LRRTM4: variants seen among roughly 807,000 people sequenced by gnomAD.
LRRTM4 encodes the protein leucine rich repeat transmembrane neuronal 4, also known as leucine-rich repeat transmembrane neuronal protein 4.
LRRTM4 carries 25 observed loss-of-function variants against 47.6 expected under a neutral mutation model. The observed-to-expected ratio is 0.53, with a 90% CI of 0.38 to 0.73. The LOEUF is 0.73. Among genes scored for constraint, LRRTM4 ranks in the 30% least tolerant of loss-of-function variants. The probability of loss-of-function intolerance (pLI) is 0.00; values close to 1 mark genes in which losing one functional copy is unlikely to be tolerated. For synonymous variants in LRRTM4, 311 were observed against 269.5 expected (o/e 1.15, Z -1.51); for missense variants, 638 against 713.4 (o/e 0.89, Z 1.20).
chr2:76,774,189 T>TA (rs1446009336), intron 3 of LRRTM4, among the ~76,000 whole-genome samples: 1 of 152,094 alleles, frequency 6.6e-6, no homozygotes, highest in African/African-American at 2.4e-5. Flanking sequence ...TTTTTTTTTT[T>TA]TTATTTTTAG....
intron 3 of LRRTM4, among the ~76,000 whole-genome samples, chr2:76,842,041 G>A (rs1317302004): frequency 6.6e-6 from 1 of 152,178 alleles, no homozygotes; most frequent in Non-Finnish European, 1.5e-5. Flanking sequence ...TTCTGGGTGT[G>A]TCTATGAGGC....
chr2:77,189,770 T>C (rs866444028), intron 3 of LRRTM4, among the ~76,000 whole-genome samples: 15 of 151,576 alleles, frequency 9.9e-5, no homozygotes, highest in Middle Eastern at 3.4e-3. Flanking sequence ...TATATACATA[T>C]ACACACACAC....
intron 3 of LRRTM4, among the ~76,000 whole-genome samples, chr2:76,933,949 T>C (rs532585210): frequency 1.8e-4 from 28 of 152,258 alleles, no homozygotes; most frequent in Middle Eastern, 3.4e-3. Context: ...TTCAAATATA[T>C]TGGTAATAGT....
intron 3 of LRRTM4, among the ~76,000 whole-genome samples, chr2:76,874,835 T>G (rs1672733756): frequency 6.6e-6 from 1 of 151,430 alleles, no homozygotes; most frequent in South Asian, 2.1e-4. Context: ...GTTGTTTATT[T>G]CTTAAACTTT....
intron 3 of LRRTM4, among the ~76,000 whole-genome samples, chr2:77,395,192 G>A (rs1265478168): frequency 6.6e-6 from 1 of 151,858 alleles, no homozygotes; most frequent in Non-Finnish European, 1.5e-5. Flanking sequence ...AAACCACAAA[G>A]GAAGCCAATA....
intron 2 of LRRTM4, among the ~76,000 whole-genome samples, chr2:77,520,241 T>G (rs899436985): frequency 5.9e-5 from 9 of 152,092 alleles, no homozygotes; most frequent in African/African-American, 1.4e-4. Context: ...GTGTACTATG[T>G]GCTCTGGTAA....
At chr2:77,460,945 C>T (rs1676764122) in intron 3 of LRRTM4, among the ~76,000 whole-genome samples, 1 of 151,998 alleles carries the variant, frequency 6.6e-6, no homozygotes, top group South Asian at 2.1e-4. Flanking sequence ...CTAATATTTA[C>T]CCGCATTAGA....
chr2:76,771,346 T>G (rs543619059), intron 3 of LRRTM4, among the ~76,000 whole-genome samples: 2 of 152,026 alleles, frequency 1.3e-5, no homozygotes, highest in African/African-American at 4.8e-5. Flanking sequence ...AGGAATGAGA[T>G]AGAAGAAAGA....
intron 3 of LRRTM4, among the ~76,000 whole-genome samples, chr2:77,466,754 A>C (rs758729190): frequency 6.9e-6 from 1 of 144,606 alleles, no homozygotes; most frequent in Non-Finnish European, 1.5e-5. Context: ...GCTGAAATGC[A>C]GTGGCATGAA....
chr2:76,871,165 A>G (rs1672612180), intron 3 of LRRTM4, among the ~76,000 whole-genome samples: 1 of 152,186 alleles, frequency 6.6e-6, no homozygotes, highest in Non-Finnish European at 1.5e-5. Flanking sequence ...CCAAATTTCC[A>G]TACATATAGA....
chr2:77,122,308 AAAT>A (rs1671539537), intron 3 of LRRTM4, among the ~76,000 whole-genome samples: 1 of 151,608 alleles, frequency 6.6e-6, no homozygotes, highest in Non-Finnish European at 1.5e-5. Context: ...ATAAAATTAA[AAAT>A]AATGAGTTCT....
chr2:76,888,698 G>A (rs969910459), intron 3 of LRRTM4, among the ~76,000 whole-genome samples: 1 of 151,554 alleles, frequency 6.6e-6, no homozygotes, highest in Non-Finnish European at 1.5e-5. Flanking sequence ...TTGGACCACT[G>A]CTTTCGTTGC....
chr2:76,932,789 A>G (rs756792691), intron 3 of LRRTM4, among the ~76,000 whole-genome samples: 10 of 150,666 alleles, frequency 6.6e-5, no homozygotes, highest in Middle Eastern at 3.2e-3. Flanking sequence ...AAGAGAGGAA[A>G]ATACTTACTC....
Position 76,748,379 on chromosome 2 carries a change from C to A in LRRTM4, c.*316G>T. The A allele has an allele frequency of 1.1e-5, 3 of 284,646 alleles. No homozygotes were observed. Among genetic ancestry groups the A allele is most frequent in the Non-Finnish European group, 6.8e-6 (1 of 148,108 alleles). The allele number at this position is 284,646 out of a possible 1,614,324, so 17.6% of individuals were successfully genotyped here. A position where few individuals can be genotyped will look rare whatever the true frequency, so the allele number is the denominator to read the frequency against. ...AGTGTAGAAAAATCAAATATACAAA[C>A]AAACCTATATGTAGCTAGGGTGAAA... On this transcript the variant is annotated 3_prime_UTR_variant, in exon 4 of 4. Coordinates refer to ENST00000409884, the MANE Select transcript of LRRTM4 (RefSeq NM_001134745.3).
At chr2:77,017,062 G>A (rs529567906) in intron 3 of LRRTM4, among the ~76,000 whole-genome samples, 1 of 152,132 alleles carries the variant, frequency 6.6e-6, no homozygotes, top group African/African-American at 2.4e-5. Flanking sequence ...AGGACTGAGG[G>A]AAAAGAAGCA....
chr2:76,845,478 G>T (rs557844530), intron 3 of LRRTM4, among the ~76,000 whole-genome samples: 2 of 152,024 alleles, frequency 1.3e-5, no homozygotes, highest in African/African-American at 4.8e-5. Context: ...GTGCAGTAAC[G>T]TGAGTGGTGG....
intron 3 of LRRTM4, among the ~76,000 whole-genome samples, chr2:76,796,314 C>A (rs1343115508): frequency 8.4e-6 from 1 of 119,710 alleles, no homozygotes; most frequent in Non-Finnish European, 1.7e-5. Context: ...TGGAGCCCAC[C>A]ACAGCTCAAG....
intron 3 of LRRTM4, among the ~76,000 whole-genome samples, chr2:76,958,414 C>T (rs983785585): frequency 1.2e-4 from 18 of 151,896 alleles, no homozygotes; most frequent in Admixed American, 5.9e-4. Flanking sequence ...GCGCTTGTAA[C>T]GCACCCACCC....
In LRRTM4 at chr2:77,051,208, C is replaced by A. The variant is rs77074060; in HGVS notation, c.1552-302292G>T. 1.0e-2 allele frequency among the ~76,000 whole-genome samples: 1,515 copies of A among 151,968 alleles called. 23 individuals are homozygous for A. Among genetic ancestry groups the A allele is most frequent in the African/African-American group, 0.035 (1,440 of 41,444 alleles). ...TGAACATCCTACAGTGCACAGAAAA[C>A]AGCTTCACACAACAAAGAACTATCT... On this transcript the variant is annotated intron_variant, in intron 3 of 3. Transcript: ENST00000409884.
Sources: gnomAD v4.1 joint callset for allele counts (sites outside exome capture counted in the v4.1 genomes callset) on GRCh38, gnomAD v4.1.1 for gene constraint, MANE v1.5 for transcripts, NCBI Gene and HGNC (gene_info 2026-07-23, HGNC 2026-07-21) for gene names.